Variants in DENND1A observed in about 807,000 individuals in gnomAD.
The protein encoded by DENND1A is DENN domain containing 1A, also known as DENN domain-containing protein 1A.
DENND1A carries 51 observed loss-of-function variants against 113.7 expected under a neutral mutation model. That is an observed-to-expected ratio of 0.45 (90% CI 0.36 to 0.57). The LOEUF is 0.57. Ranked by LOEUF, DENND1A falls within the 20% of genes least tolerant of loss-of-function variation. The probability of loss-of-function intolerance (pLI) is 0.00; values close to 1 mark genes in which losing one functional copy is unlikely to be tolerated. For synonymous variants in DENND1A, 565 were observed against 570.8 expected (o/e 0.99, Z 0.14); for missense variants, 1,258 against 1,395.9 (o/e 0.90, Z 1.57).
intron 11 of DENND1A, among the ~76,000 whole-genome samples, chr9:123,608,303 C>T (rs2060261035): frequency 6.6e-6 from 1 of 152,166 alleles, no homozygotes; most frequent in African/African-American, 2.4e-5. Flanking sequence ...CACAATAGCA[C>T]AGTGTGCAAC....
intron 2 of DENND1A, among the ~76,000 whole-genome samples, chr9:123,815,250 T>G (rs1837257702): frequency 6.6e-6 from 1 of 152,232 alleles, no homozygotes; most frequent in African/African-American, 2.4e-5. Flanking sequence ...ATTTATACAA[T>G]CTAAGCACTG....
Position 123,381,409 on chromosome 9 carries a change from A to G in DENND1A, c.*23T>C. 6.2e-7 allele frequency: 1 copy of G among 1,608,950 alleles called. No individual in the cohort carries two copies. The highest frequency in any genetic ancestry group is 8.5e-7 in the Non-Finnish European group (1 of 1,177,210). ...TGGACGGACCCTCGGGCCTCGGTGC[A>G]TCCCCCACCCTCAGGGCCCGGCTCA... On this transcript the variant is annotated 3_prime_UTR_variant, in exon 24 of 24. Transcript: ENST00000394215. The surrounding 1 kb of genome is among the most constrained non-coding windows in gnomAD (Gnocchi z 4.7).
At chr9:123,667,180 A>T in intron 7 of DENND1A, 101 bp from the exon 8 acceptor site, 1 of 1,187,472 alleles carries the variant, frequency 8.4e-7, no homozygotes, top group Non-Finnish European at 1.2e-6. Flanking sequence ...CCTTACTCAG[A>T]AAAGGAAACG....
At chr9:123,467,068 C>CAAAA (rs1272069179) in intron 13 of DENND1A, among the ~76,000 whole-genome samples, 1 of 151,998 alleles carries the variant, frequency 6.6e-6, no homozygotes, top group Admixed American at 6.6e-5. Context: ...CCCAAAAAAA[C>CAAAA]AAAAACAAAA....
At chr9:123,630,928 C>T (rs1325947204) in intron 9 of DENND1A, among the ~76,000 whole-genome samples, 2 of 152,142 alleles carry the variant, frequency 1.3e-5, no homozygotes, top group East Asian at 1.9e-4. Context: ...AGGCACAAAT[C>T]CAGAATATTC....
At chr9:123,383,210 C>T (rs141908602) in intron 23 of DENND1A, among the ~76,000 whole-genome samples, 274 of 152,312 alleles carry the variant, frequency 1.8e-3, no homozygotes, top group Admixed American at 7.9e-3. Context: ...ACTGAGGCAC[C>T]GAGCGGGGAT....
chr9:123,711,533 A>ATATATATATATATATATC (rs2066633859), intron 5 of DENND1A, among the ~76,000 whole-genome samples: 2 of 140,828 alleles, frequency 1.4e-5, no homozygotes, highest in African/African-American at 5.3e-5. Flanking sequence ...ATATATATAT[A>ATATATATATATATATATC]TATATAAATT....
intron 13 of DENND1A, among the ~76,000 whole-genome samples, chr9:123,492,346 C>T (rs1328570253): frequency 2.0e-5 from 3 of 152,214 alleles, no homozygotes; most frequent in Non-Finnish European, 2.9e-5. Flanking sequence ...GGGAGGGAAG[C>T]GTGTGCTGAG....
intron 5 of DENND1A, among the ~76,000 whole-genome samples, chr9:123,705,977 G>A (rs925396922): frequency 6.6e-6 from 1 of 152,074 alleles, no homozygotes; most frequent in Non-Finnish European, 1.5e-5. Context: ...ATTCTGTTTT[G>A]TGTTCTGGGA....
At chr9:123,504,198 G>A (rs925703487) in intron 13 of DENND1A, among the ~76,000 whole-genome samples, 2 of 152,098 alleles carry the variant, frequency 1.3e-5, no homozygotes, top group African/African-American at 2.4e-5. Context: ...GTTGCCCTTC[G>A]CCATCTGGTG....
At chr9:123,603,515 G>C (rs1369791701) in intron 11 of DENND1A, among the ~76,000 whole-genome samples, 1 of 152,136 alleles carries the variant, frequency 6.6e-6, no homozygotes, top group African/African-American at 2.4e-5. Context: ...AGGGACCCAT[G>C]GCTAAGCATT....
At chr9:123,695,486 A>G (rs528485250) in intron 5 of DENND1A, among the ~76,000 whole-genome samples, 2 of 151,298 alleles carry the variant, frequency 1.3e-5, no homozygotes, top group African/African-American at 4.8e-5. Flanking sequence ...ATTGAGTTTT[A>G]TATATATATA....
intron 10 of DENND1A, among the ~76,000 whole-genome samples, chr9:123,614,836 C>A (rs928253544): frequency 1.3e-5 from 2 of 152,184 alleles, no homozygotes; most frequent in African/African-American, 4.8e-5. Flanking sequence ...CCTGATCAGG[C>A]AAAGGGGATC....
At chr9:123,407,411 C>G (rs532022022) in intron 20 of DENND1A, among the ~76,000 whole-genome samples, 2 of 152,106 alleles carry the variant, frequency 1.3e-5, no homozygotes, top group African/African-American at 4.8e-5. Flanking sequence ...CAGAGGCACG[C>G]GCAAGAGGTG....
chr9:123,763,461 T>C (rs1046963763), intron 4 of DENND1A, among the ~76,000 whole-genome samples: 2 of 152,180 alleles, frequency 1.3e-5, no homozygotes, highest in East Asian at 3.9e-4. Flanking sequence ...ATTTGGGATA[T>C]GTTAAGTCTG....
At chr9:123,402,239 C>G (rs1027520760) in intron 21 of DENND1A, among the ~76,000 whole-genome samples, 1 of 124,874 alleles carries the variant, frequency 8.0e-6, no homozygotes, top group East Asian at 2.1e-4. Flanking sequence ...CAAGCGCACA[C>G]GTGCACACAC....
rs553729218 is a variant in DENND1A, at chr9:123,831,693, C to T, written c.89-39063G>A. Among the ~76,000 whole-genome samples, 97 of 152,276 alleles carry T rather than the reference C, an allele frequency of 6.4e-4. 1 individual carries two copies. The highest frequency in any genetic ancestry group is 9.4e-4 in the Non-Finnish European group (64 of 68,012). ...AGGATGATCTTTGCAATAAATAGTGCTATGCCTACTGAAGATTCATATGGC... is the reference window on the plus strand; with the variant it reads ...AGGATGATCTTTGCAATAAATAGTGTTATGCCTACTGAAGATTCATATGGC... On this transcript the variant is annotated intron_variant, in intron 2 of 23. Transcript: ENST00000394215.
At chr9:123,419,610 T>C (rs1370969395) in intron 19 of DENND1A, among the ~76,000 whole-genome samples, 2 of 152,212 alleles carry the variant, frequency 1.3e-5, no homozygotes, top group Non-Finnish European at 2.9e-5. Context: ...AAGCCTTCTG[T>C]AGTTTTACAA....
At chr9:123,772,396 T>C (rs1829865139) in intron 3 of DENND1A, among the ~76,000 whole-genome samples, 1 of 152,216 alleles carries the variant, frequency 6.6e-6, no homozygotes, top group Non-Finnish European at 1.5e-5. Context: ...ACAACAGTCA[T>C]TAACCAGTTA....
Sources: gnomAD v4.1 joint callset for allele counts (sites outside exome capture counted in the v4.1 genomes callset) on GRCh38, gnomAD v4.1.1 for gene constraint, Gnocchi (gnomAD v3.1) non-coding constraint, MANE v1.5 for transcripts, NCBI Gene and HGNC (gene_info 2026-07-23, HGNC 2026-07-21) for gene names.